Variants in ZHX3 observed in about 807,000 individuals in gnomAD.
The protein encoded by ZHX3 is zinc fingers and homeoboxes protein 3.
In ZHX3, 20 loss-of-function variants were observed where a neutral mutation model predicts 64.5. The observed-to-expected ratio is 0.31, with a 90% confidence interval of 0.22 to 0.45. The LOEUF is 0.45. Ranked by LOEUF, ZHX3 falls within the 20% of genes least tolerant of loss-of-function variation. The probability of loss-of-function intolerance (pLI) is 1.00; values close to 1 mark genes in which losing one functional copy is unlikely to be tolerated. For synonymous variants in ZHX3, 423 were observed against 461.6 expected, an observed-to-expected ratio of 0.92 and a Z score of 1.07; for missense variants, 1,041 against 1,195.8, an observed-to-expected ratio of 0.87 and a Z score of 1.91.
intron 2 of ZHX3, among the ~76,000 whole-genome samples, chr20:41,216,308 T>G (rs188395550): frequency 1.3e-5 from 2 of 152,294 alleles, no homozygotes; most frequent in African/African-American, 4.8e-5. Flanking sequence ...CAAATTATGC[T>G]CTAAGTGGAA....
intron 2 of ZHX3, among the ~76,000 whole-genome samples, chr20:41,257,856 C>A (rs2042345158): frequency 6.9e-6 from 1 of 144,640 alleles, no homozygotes; most frequent in Non-Finnish European, 1.5e-5. Context: ...TGTGATCTGC[C>A]CACCTTGGCC....
intron 1 of ZHX3, among the ~76,000 whole-genome samples, chr20:41,294,512 C>G (rs1009135087): frequency 6.6e-6 from 1 of 151,956 alleles, no homozygotes; most frequent in Admixed American, 6.6e-5. Flanking sequence ...CAGGCACCCC[C>G]CCACCACACC....
At position 41,200,833 on chromosome 20, in the gene ZHX3, T is replaced by G. The variant is rs958762853; in HGVS notation, c.2860+1224A>C. 1.4e-4 allele frequency among the ~76,000 whole-genome samples: 21 copies of G among 152,342 alleles called. No individual in the cohort carries two copies. Among genetic ancestry groups the G allele is most frequent in the African/African-American group, 5.1e-4 (21 of 41,570 alleles). ...GGCCAAAAAGGAAGTCTCTTTTTCCTTAATTCAGTAAAGAAACAATAGCAT... is the reference window on the plus strand; with the variant it reads ...GGCCAAAAAGGAAGTCTCTTTTTCCGTAATTCAGTAAAGAAACAATAGCAT... On this transcript the variant is annotated intron_variant, in intron 3 of 3. Transcript: ENST00000683867. The surrounding 1 kb of genome is among the most constrained non-coding windows in gnomAD (Gnocchi z 4.2).
chr20:41,243,214 A>T (rs543477197), intron 2 of ZHX3, among the ~76,000 whole-genome samples: 24 of 152,308 alleles, frequency 1.6e-4, no homozygotes, highest in South Asian at 1.0e-3. Context: ...AAGCACCAAC[A>T]CTTTCTAGTA....
In ZHX3 at chr20:41,196,302, A is replaced by C. The variant is rs570295567; in HGVS notation, c.2860+5755T>G. Among the ~76,000 whole-genome samples, 848 of 122,122 alleles carry C rather than the reference A, an allele frequency of 6.9e-3. 7 individuals carry two copies. Among genetic ancestry groups the C allele is most frequent in the African/African-American group, 0.025 (808 of 32,178 alleles). 80.1% of individuals were successfully genotyped at this position (122,122 alleles called of 152,430 possible). On this transcript the variant is annotated intron_variant, in intron 3 of 3. Coordinates refer to ENST00000683867, the MANE Select transcript of ZHX3 (RefSeq NM_001384317.1). Reference sequence around the variant, plus strand: ...TAATATATATAAATAAATATATAAAAATAAATATATATTTATAATAAATAT... The same window carrying C: ...TAATATATATAAATAAATATATAAACATAAATATATATTTATAATAAATAT...
intron 2 of ZHX3, among the ~76,000 whole-genome samples, chr20:41,233,975 C>T (rs1331207891): frequency 6.6e-6 from 1 of 152,170 alleles, no homozygotes; most frequent in Non-Finnish European, 1.5e-5. Context: ...TTGTACATAG[C>T]ACAGACCTAA....
Position 41,185,675 on chromosome 20 carries a change from T to G in ZHX3, c.2861-474A>C, listed in dbSNP as rs2036459593. On this transcript the variant is annotated intron_variant, in intron 3 of 3. Coordinates refer to ENST00000683867, the MANE Select transcript of ZHX3 (RefSeq NM_001384317.1). This position sits in a 1 kb window ranked among gnomAD's most constrained non-coding sequence, Gnocchi z 5.0. Reference sequence around the variant, plus strand: ...TCATTTGTAACTTGCAACCCTAACATCAAAGTCAAAGTAAGGCTGATATCA... The same window carrying G: ...TCATTTGTAACTTGCAACCCTAACAGCAAAGTCAAAGTAAGGCTGATATCA... The G allele has an allele frequency of 6.0e-6, 1 of 167,480 alleles. No homozygotes were observed. Among genetic ancestry groups the G allele is most frequent in the African/African-American group, 2.4e-5 (1 of 42,014 alleles). 10.4% of individuals were successfully genotyped at this position (167,480 alleles called of 1,614,324 possible). A position where few individuals can be genotyped will look rare whatever the true frequency, so the allele number is the denominator to read the frequency against.
chr20:41,221,827 G>T (rs902518667), intron 2 of ZHX3, among the ~76,000 whole-genome samples: 1 of 152,226 alleles, frequency 6.6e-6, no homozygotes, highest in Non-Finnish European at 1.5e-5. Context: ...ACCTTGAGGT[G>T]AGAATGTGCC....
intron 1 of ZHX3, among the ~76,000 whole-genome samples, chr20:41,284,786 T>C (rs1471515178): frequency 1.3e-5 from 2 of 152,104 alleles, no homozygotes; most frequent in African/African-American, 4.8e-5. Context: ...TCTAAGCCTT[T>C]ATCACCTCTC....
At chr20:41,316,736 A>G (rs961921544) in intron 1 of ZHX3, 7 of 152,200 alleles carry the variant, frequency 4.6e-5, no homozygotes, top group African/African-American at 1.7e-4. Context: ...ACTCAAAATG[A>G]CTCAAGCCCT....
intron 1 of ZHX3, among the ~76,000 whole-genome samples, chr20:41,287,903 A>G (rs185556498): frequency 6.6e-6 from 1 of 152,258 alleles, no homozygotes; most frequent in Non-Finnish European, 1.5e-5. Flanking sequence ...AATAGATAAT[A>G]TACTCTCATG....
rs57987896 is a variant in ZHX3 at position 41,296,232 on chromosome 20, T to TAAAAAAAAAAAAA, written c.-245+21264_-245+21276dup. ...TTCCCTTCTCCTCAAGTTCATAAAG[T>TAAAAAAAAAAAAA]AAAAAAAAAAAAAAAAAAAAAAAAA... is the stretch of plus-strand genomic sequence containing the variant. On this transcript the variant is annotated intron_variant, in intron 1 of 3. Transcript: ENST00000683867. 8.2e-5 allele frequency among the ~76,000 whole-genome samples: 6 copies of TAAAAAAAAAAAAA among 73,004 alleles called. 1 individual carries two copies. The highest frequency in any genetic ancestry group is 1.5e-4 in the Non-Finnish European group (5 of 33,378). 47.9% of individuals were successfully genotyped at this position (73,004 alleles called of 152,430 possible). A position where few individuals can be genotyped will look rare whatever the true frequency, so the allele number is the denominator to read the frequency against.
intron 2 of ZHX3, among the ~76,000 whole-genome samples, chr20:41,252,549 T>C (rs543483970): frequency 6.6e-6 from 1 of 152,200 alleles, no homozygotes; most frequent in Non-Finnish European, 1.5e-5. Context: ...TACTGCCAAG[T>C]AAGTCTAACT....
chr20:41,307,412 T>C (rs2045011969), intron 1 of ZHX3, among the ~76,000 whole-genome samples: 1 of 152,204 alleles, frequency 6.6e-6, no homozygotes, highest in Non-Finnish European at 1.5e-5. Context: ...TTTTAAACCA[T>C]ATATTCAAAC....
chr20:41,312,468 C>T (rs1179418627), intron 1 of ZHX3, among the ~76,000 whole-genome samples: 1 of 152,200 alleles, frequency 6.6e-6, no homozygotes, highest in Non-Finnish European at 1.5e-5. Flanking sequence ...GTAACACTCA[C>T]CACAAAGGTC....
At chr20:41,256,631 T>A (rs1387104908) in intron 2 of ZHX3, among the ~76,000 whole-genome samples, 1 of 148,932 alleles carries the variant, frequency 6.7e-6, no homozygotes, top group Non-Finnish European at 1.5e-5. Context: ...GTTTTCAACC[T>A]GTGTATCTAG....
intron 2 of ZHX3, among the ~76,000 whole-genome samples, chr20:41,261,152 T>A (rs757626401): frequency 1.3e-5 from 2 of 151,500 alleles, no homozygotes; most frequent in Non-Finnish European, 2.9e-5. Flanking sequence ...CCTGGAAACA[T>A]CTGAAAACAA....
intron 2 of ZHX3, among the ~76,000 whole-genome samples, chr20:41,231,563 AT>A (rs1287076520): frequency 6.6e-6 from 1 of 152,022 alleles, no homozygotes; most frequent in Non-Finnish European, 1.5e-5. Context: ...CTACCTTATA[AT>A]TTTTTTGTAT....
rs57987896 is a variant in ZHX3 at position 41,296,232 on chromosome 20, T to TAA, written c.-245+21275_-245+21276dup. On this transcript the variant is annotated intron_variant, in intron 1 of 3. Transcript: ENST00000683867. ...TTCCCTTCTCCTCAAGTTCATAAAG[T>TAA]AAAAAAAAAAAAAAAAAAAAAAAAA... Among the ~76,000 whole-genome samples, 38 of 73,004 alleles carry TAA rather than the reference T, an allele frequency of 5.2e-4. 8 individuals carry two copies. Among genetic ancestry groups the TAA allele is most frequent in the Non-Finnish European group, 7.2e-4 (24 of 33,378 alleles). 47.9% of individuals were successfully genotyped at this position (73,004 alleles called of 152,430 possible).
Sources: allele counts gnomAD v4.1 joint callset (sites outside exome capture counted in the v4.1 genomes callset), GRCh38; gene constraint gnomAD v4.1.1; non-coding constraint Gnocchi (gnomAD v3.1); transcripts MANE v1.5; gene names NCBI Gene and HGNC (gene_info 2026-07-23, HGNC 2026-07-21).